TMEM132B: variants seen among roughly 807,000 people sequenced by gnomAD.
TMEM132B encodes transmembrane protein 132B.
TMEM132B carries 18 observed loss-of-function variants against 90.8 expected under a neutral mutation model. The ratio of observed to expected loss-of-function variants is 0.20; its 90% confidence interval spans 0.14 to 0.29. TMEM132B has a LOEUF of 0.29. TMEM132B is among the 10% of genes least tolerant of loss of function. TMEM132B has a pLI of 1.00. For synonymous variants in TMEM132B, 504 were observed against 523.3 expected, an observed-to-expected ratio of 0.96 and a Z score of 0.50; for missense variants, 1,096 against 1,326.8, an observed-to-expected ratio of 0.83 and a Z score of 2.70.
chr12:125,445,663 A>T lies in TMEM132B; in HGVS notation c.1106+29986A>T, dbSNP rs1178142438. 6.6e-5 allele frequency among the ~76,000 whole-genome samples: 10 copies of T among 152,174 alleles called. No individual in the cohort carries two copies. The highest frequency in any genetic ancestry group is 2.4e-4 in the African/African-American group (10 of 41,440). On this transcript the variant is annotated intron_variant, in intron 3 of 8. Transcript: ENST00000682704. The surrounding 1 kb of genome is among the most constrained non-coding windows in gnomAD (Gnocchi z 4.3). ...GAGCGTGTGATCCCTTGGCAAGCTC[A>T]CAAGCTGGCCAGGCCTGGGTACCAT...
intron 4 of TMEM132B, among the ~76,000 whole-genome samples, chr12:125,540,506 A>G (rs1883925903): frequency 6.6e-6 from 1 of 152,218 alleles, no homozygotes; most frequent in African/African-American, 2.4e-5. Context: ...AGATATATAA[A>G]ATTTAAGATG....
chr12:125,505,193 A>AAAAAAAAAAAAC (rs1566056628), intron 3 of TMEM132B, among the ~76,000 whole-genome samples: 2 of 145,332 alleles, frequency 1.4e-5, no homozygotes, highest in African/African-American at 5.3e-5. Flanking sequence ...AAAAAAAAAA[A>AAAAAAAAAAAAC]AACAGTAAGT....
intron 4 of TMEM132B, among the ~76,000 whole-genome samples, chr12:125,534,879 C>T (rs1221022464): frequency 1.3e-5 from 2 of 152,124 alleles, no homozygotes; most frequent in Non-Finnish European, 2.9e-5. Context: ...TTCAGTTTCT[C>T]AATTGCACAT....
chr12:125,561,391 G>A (rs944296133), intron 4 of TMEM132B, among the ~76,000 whole-genome samples: 10 of 152,182 alleles, frequency 6.6e-5, no homozygotes, highest in Admixed American at 5.2e-4. Context: ...GGCTAGGGGA[G>A]GGATAGCATT....
intron 3 of TMEM132B, among the ~76,000 whole-genome samples, chr12:125,494,034 A>C (rs1329831388): frequency 1.5e-4 from 14 of 95,456 alleles, no homozygotes; most frequent in African/African-American, 2.5e-4. Flanking sequence ...CTGAAAATGG[A>C]TGCGTCCCTC....
chr12:125,313,722 T>C (rs555154084), intron 1 of TMEM132B, among the ~76,000 whole-genome samples: 61 of 114,444 alleles, frequency 5.3e-4, no homozygotes, highest in Non-Finnish European at 9.7e-4. Flanking sequence ...TGGTTTGGGT[T>C]AATTTTCTGC....
At chr12:125,497,923 G>A (rs1360815943) in intron 3 of TMEM132B, among the ~76,000 whole-genome samples, 3 of 152,124 alleles carry the variant, frequency 2.0e-5, no homozygotes, top group Admixed American at 6.5e-5. Flanking sequence ...CAGGAGACCC[G>A]TTTACATCTT....
intron 2 of TMEM132B, among the ~76,000 whole-genome samples, chr12:125,363,008 T>C (rs1219727737): frequency 9.2e-5 from 14 of 152,066 alleles, no homozygotes; most frequent in African/African-American, 3.4e-4. Flanking sequence ...TTGCCTCCAG[T>C]TTTTCACTGG....
chr12:125,384,012 C>A (rs1190474259), intron 2 of TMEM132B, among the ~76,000 whole-genome samples: 2 of 152,048 alleles, frequency 1.3e-5, no homozygotes, highest in East Asian at 3.9e-4. Context: ...AGTGGTGTGA[C>A]CTCAGCTCAT....
intron 4 of TMEM132B, among the ~76,000 whole-genome samples, chr12:125,522,814 T>C (rs1883341938): frequency 6.6e-6 from 1 of 152,226 alleles, no homozygotes; most frequent in Admixed American, 6.5e-5. Flanking sequence ...CCTCCCAAAC[T>C]GTCTCTCCAG....
rs529540085 is a variant in TMEM132B, at chr12:125,277,784, G to A, written c.68-71668G>A. Among the ~76,000 whole-genome samples, 1,007 of 152,226 alleles carry A rather than the reference G, an allele frequency of 6.6e-3. 9 individuals are homozygous for A. Among genetic ancestry groups the A allele is most frequent in the Admixed American group, 0.011 (166 of 15,294 alleles). ...GTGGTAATTTGTTGTGGCAGCTCTG[G>A]GGAGCTAACAACGACGTTAAAAAAA... is the stretch of plus-strand genomic sequence containing the variant. On this transcript the variant is annotated intron_variant, in intron 1 of 8. Transcript: ENST00000682704. The surrounding 1 kb of genome is among the most constrained non-coding windows in gnomAD (Gnocchi z 4.3).
intron 1 of TMEM132B, among the ~76,000 whole-genome samples, chr12:125,340,109 A>G (rs556985821): frequency 2.0e-5 from 3 of 152,322 alleles, no homozygotes; most frequent in African/African-American, 7.2e-5. Context: ...GAAATTATAC[A>G]AACACAGTTT....
chr12:125,236,080 G>A (rs907132992), intron 1 of TMEM132B, among the ~76,000 whole-genome samples: 2 of 152,082 alleles, frequency 1.3e-5, no homozygotes, highest in Admixed American at 1.3e-4. Flanking sequence ...TGGGATTACA[G>A]GCATGAGCCA....
At chr12:125,314,835 T>C (rs906368294) in intron 1 of TMEM132B, among the ~76,000 whole-genome samples, 1 of 152,222 alleles carries the variant, frequency 6.6e-6, no homozygotes, top group Non-Finnish European at 1.5e-5. Context: ...GAGAAATGTC[T>C]TCTTTGTGCA....
intron 4 of TMEM132B, among the ~76,000 whole-genome samples, chr12:125,550,473 T>C (rs1248566685): frequency 6.6e-6 from 1 of 152,236 alleles, no homozygotes; most frequent in Non-Finnish European, 1.5e-5. Flanking sequence ...GGTTTCTGTC[T>C]CCTGGCTGTA....
chr12:125,230,541 C>G (rs905624834), intron 1 of TMEM132B, among the ~76,000 whole-genome samples: 2 of 151,828 alleles, frequency 1.3e-5, no homozygotes, highest in Non-Finnish European at 2.9e-5. Context: ...AGTGCAGTGG[C>G]GTAATCTCGG....
At chr12:125,308,068 C>T (rs1876036670) in intron 1 of TMEM132B, among the ~76,000 whole-genome samples, 1 of 132,158 alleles carries the variant, frequency 7.6e-6, no homozygotes, top group South Asian at 2.3e-4. Flanking sequence ...ATGTATAATA[C>T]AAGTATATTA....
chr12:125,443,049 C>G (rs999299891), intron 3 of TMEM132B, among the ~76,000 whole-genome samples: 1 of 152,208 alleles, frequency 6.6e-6, no homozygotes, highest in African/African-American at 2.4e-5. Flanking sequence ...TACAGCATCT[C>G]AGATCTTGAG....
At chr12:125,496,789 C>T (rs572146549) in intron 3 of TMEM132B, among the ~76,000 whole-genome samples, 1 of 152,320 alleles carries the variant, frequency 6.6e-6, no homozygotes, top group South Asian at 2.1e-4. Flanking sequence ...TGTTCAGTTT[C>T]CTCTACCCCC....
Sources: allele counts gnomAD v4.1 joint callset (sites outside exome capture counted in the v4.1 genomes callset), GRCh38; gene constraint gnomAD v4.1.1; non-coding constraint Gnocchi (gnomAD v3.1); transcripts MANE v1.5; gene names NCBI Gene and HGNC (gene_info 2026-07-23, HGNC 2026-07-21).